The following CCDC34 variants were observed in gnomAD, a reference collection of about 807,000 sequenced individuals.
CCDC34 encodes coiled-coil domain containing 34.
Under a neutral mutation model 44.1 loss-of-function variants are expected in CCDC34, and 40 were observed. That is an observed-to-expected ratio of 0.91 (90% CI 0.70 to 1.18). CCDC34 has a LOEUF of 1.18. CCDC34 is among the 50% of genes most tolerant of loss of function. The probability of loss-of-function intolerance (pLI) is 0.00; values close to 1 mark genes in which losing one functional copy is unlikely to be tolerated. For missense variants in CCDC34, 466 were observed against 452.3 expected (o/e 1.03, Z -0.28); for synonymous variants, 159 against 158.2 (o/e 1.01, Z -0.04).
intron 5 of CCDC34, among the ~76,000 whole-genome samples, chr11:27,339,366 T>A (rs1233528409): frequency 6.6e-6 from 1 of 152,230 alleles, no homozygotes; most frequent in Admixed American, 6.5e-5. Context: ...ACTTTCATTT[T>A]CTTAACTCAG....
intron 2 of CCDC34, among the ~76,000 whole-genome samples, chr11:27,356,008 A>ATTTTTTTTTTTTTTTT (rs34146389): frequency 1.4e-5 from 1 of 69,482 alleles, no homozygotes; most frequent in African/African-American, 5.5e-5. Flanking sequence ...TGTTCCCAGG[A>ATTTTTTTTTTTTTTTT]TTTTTTTTTT....
intron 2 of CCDC34, among the ~76,000 whole-genome samples, chr11:27,352,113 T>C: frequency 6.6e-6 from 1 of 152,204 alleles, no homozygotes; most frequent in Middle Eastern, 3.2e-3. Flanking sequence ...CCAGGCGCAG[T>C]GGCTCATGCC....
At chr11:27,349,415 C>T in intron 3 of CCDC34, 1 of 828,290 alleles carries the variant, frequency 1.2e-6, no homozygotes, top group Non-Finnish European at 1.5e-6. Context: ...GTTATATCAT[C>T]TTCAATTTAC....
intron 1 of CCDC34, among the ~76,000 whole-genome samples, chr11:27,361,151 G>T (rs574243866): frequency 6.6e-6 from 1 of 152,138 alleles, no homozygotes; most frequent in Admixed American, 6.5e-5. Flanking sequence ...TCAAACCCAC[G>T]TCCCAGCTAC....
At chr11:27,353,566 C>A (rs1226520267) in intron 2 of CCDC34, among the ~76,000 whole-genome samples, 1 of 151,976 alleles carries the variant, frequency 6.6e-6, no homozygotes, top group Non-Finnish European at 1.5e-5. Context: ...CCATATTTAT[C>A]ATCTCAACAA....
At chr11:27,345,708 C>A (rs1246676465) in intron 3 of CCDC34, among the ~76,000 whole-genome samples, 26 of 151,882 alleles carry the variant, frequency 1.7e-4, no homozygotes, top group East Asian at 1.9e-4. Context: ...GGGTTGGTTC[C>A]AAGTCTTTGC....
intron 2 of CCDC34, among the ~76,000 whole-genome samples, chr11:27,352,154 G>A (rs979564646): frequency 3.3e-5 from 5 of 152,124 alleles, no homozygotes; most frequent in Non-Finnish European, 7.4e-5. Context: ...AAGCTGAAGC[G>A]GATGGATCAC....
rs756508199 is a variant in CCDC34 at position 27,362,999 on chromosome 11, G to A, written c.196C>T (p.Leu66=). The A allele has an allele frequency of 2.6e-5, 42 of 1,614,092 alleles. No individual in the cohort carries two copies. Among genetic ancestry groups the A allele is most frequent in the Middle Eastern group, 3.3e-4 (2 of 6,084 alleles). The change falls in exon 1 of 6, where the codon CTG becomes TTG. Residue 66 remains leucine (L), a synonymous_variant. Coordinates refer to ENST00000328697, the MANE Select transcript of CCDC34 (RefSeq NM_030771.2). Reference sequence around the variant, plus strand: ...CTCTGGTGGCCAAGGGGAGACAACAGCGACCTGGTGGAATTGCTGCAGCTC... The same window carrying A: ...CTCTGGTGGCCAAGGGGAGACAACAACGACCTGGTGGAATTGCTGCAGCTC... ...PLSCSNSTRS[L]LSPLGHQSFQ...
chr11:27,344,461 T>C (rs1321521235), intron 3 of CCDC34, among the ~76,000 whole-genome samples: 1 of 151,894 alleles, frequency 6.6e-6, no homozygotes, highest in East Asian at 1.9e-4. Context: ...ACATGTTACT[T>C]GTGTTATACG....
chr11:27,353,892 T>C (rs1862537313), intron 2 of CCDC34, among the ~76,000 whole-genome samples: 1 of 152,238 alleles, frequency 6.6e-6, no homozygotes, highest in African/African-American at 2.4e-5. Context: ...GTCCCAGTTC[T>C]GCCATGGACG....
intron 5 of CCDC34, 101 bp from the exon 6 acceptor site, chr11:27,339,136 A>G: frequency 2.5e-6 from 2 of 790,952 alleles, no homozygotes; most frequent in Non-Finnish European, 4.1e-6. Flanking sequence ...TCAAATGGAC[A>G]AATTATCACT....
intron 4 of CCDC34, 85 bp downstream of exon 4, chr11:27,341,307 T>G: frequency 1.2e-6 from 1 of 812,978 alleles, no homozygotes; most frequent in South Asian, 2.8e-5. Flanking sequence ...GTGCCAATTT[T>G]CTATTAGATA....
chr11:27,339,251 A>G (rs1862320673), intron 5 of CCDC34, among the ~76,000 whole-genome samples: 1 of 152,206 alleles, frequency 6.6e-6, no homozygotes, highest in South Asian at 2.1e-4. Flanking sequence ...AGCATAAATG[A>G]TAATTCTAAG....
At chr11:27,356,176 G>A (rs1197616495) in intron 2 of CCDC34, among the ~76,000 whole-genome samples, 3 of 151,440 alleles carry the variant, frequency 2.0e-5, no homozygotes, top group African/African-American at 4.9e-5. Context: ...GCACCACCAC[G>A]CCCAGATAAT....
chr11:27,341,295 T>C (rs571054649), intron 4 of CCDC34, 97 bp downstream of exon 4: 138 of 716,344 alleles, frequency 1.9e-4, no homozygotes, highest in Non-Finnish European at 3.0e-4. Flanking sequence ...TATGCTAAGA[T>C]AGTGCCAATT....
At chr11:27,350,794 T>A (rs1478613358) in intron 2 of CCDC34, among the ~76,000 whole-genome samples, 1 of 152,058 alleles carries the variant, frequency 6.6e-6, no homozygotes, top group African/African-American at 2.4e-5. Flanking sequence ...CTTTTTTTTT[T>A]AAACAGTTAT....
chr11:27,347,436 T>C (rs967637851), intron 3 of CCDC34, among the ~76,000 whole-genome samples: 11 of 152,176 alleles, frequency 7.2e-5, no homozygotes, highest in African/African-American at 2.4e-4. Flanking sequence ...ATTTTATTCA[T>C]AATATCCCAA....
At chr11:27,354,568 A>G (rs987364727) in intron 2 of CCDC34, among the ~76,000 whole-genome samples, 3 of 152,154 alleles carry the variant, frequency 2.0e-5, no homozygotes, top group Non-Finnish European at 4.4e-5. Context: ...GTATGGCTCA[A>G]GAATTTATGG....
intron 2 of CCDC34, among the ~76,000 whole-genome samples, chr11:27,356,812 A>G (rs1565062219): frequency 6.7e-6 from 1 of 148,862 alleles, no homozygotes; most frequent in Admixed American, 6.7e-5. Flanking sequence ...AAGACTAGCA[A>G]GCAGTTTCCC....
Sources: allele counts gnomAD v4.1 joint callset (sites outside exome capture counted in the v4.1 genomes callset), GRCh38; gene constraint gnomAD v4.1.1; transcripts MANE v1.5; gene names NCBI Gene and HGNC (gene_info 2026-07-23, HGNC 2026-07-21).